The following GTF2IRD1 variants were observed in gnomAD, a reference collection of about 807,000 sequenced individuals.
The protein encoded by GTF2IRD1 is GTF2I repeat domain containing 1.
GTF2IRD1 carries 26 observed loss-of-function variants against 113.2 expected under a neutral mutation model. The ratio of observed to expected loss-of-function variants is 0.23; its 90% CI spans 0.17 to 0.32. The LOEUF is 0.32. GTF2IRD1 is among the 10% of genes least tolerant of loss of function. The probability of loss-of-function intolerance (pLI) is 1.00; values close to 1 mark genes in which losing one functional copy is unlikely to be tolerated. For synonymous variants in GTF2IRD1, 484 were observed against 529.1 expected (o/e 0.91, Z 1.17); for missense variants, 864 against 1,280.8 (o/e 0.67, Z 4.97).
intron 22 of GTF2IRD1, among the ~76,000 whole-genome samples, chr7:74,562,054 G>T (rs1465394832): frequency 6.6e-6 from 1 of 152,200 alleles, no homozygotes; most frequent in Non-Finnish European, 1.5e-5. Context: ...GTCATGCTGG[G>T]CTGGGAACAC....
chr7:74,541,911 A>AATAGATAG (rs58094935), intron 14 of GTF2IRD1, among the ~76,000 whole-genome samples: 4,576 of 150,126 alleles, frequency 0.03, 76 homozygotes, highest in Middle Eastern at 0.048. Context: ...AAAATAACTA[A>AATAGATAG]ATAGATAGAT....
rs782250558 is a variant in GTF2IRD1 at position 74,536,238 on chromosome 7, T to A, written c.1372T>A (p.Ser458Thr). The A allele has an allele frequency of 1.1e-5, 18 of 1,613,062 alleles. No homozygotes were observed. The South Asian group carries it at 1.9e-4, about 17-fold the overall frequency. The change falls in exon 11 of 27, where the codon TCT becomes ACT. Residue 458 changes from serine to threonine, a missense_variant. By Grantham distance (58) the Ser-to-Thr change is moderately conservative. Around this residue, in one of 7 missense-constraint regions of GTF2IRD1, gnomAD observed 218 missense variants for 352.6 expected, o/e 0.62. Coordinates refer to ENST00000424337, the MANE Select transcript of GTF2IRD1 (RefSeq NM_005685.4). ...GCCAGAGGACACCTCTGCAGAGGTC[T>A]CTAGGGCCACCGTCCTTGACCTTGC... Reference protein sequence around the residue: ...SPPEDTSAEVSRATVLDLAGN... With the variant: ...SPPEDTSAEVTRATVLDLAGN...
At chr7:74,601,495 G>C (rs587716937) in intron 26 of GTF2IRD1, 2 of 1,433,638 alleles carry the variant, frequency 1.4e-6, no homozygotes, top group Admixed American at 5.7e-5. Context: ...CATGGCTGGC[G>C]GGTGCAGTGG....
intron 1 of GTF2IRD1, among the ~76,000 whole-genome samples, chr7:74,485,633 T>C (rs1794979263): frequency 6.8e-6 from 1 of 146,018 alleles, no homozygotes; most frequent in African/African-American, 2.6e-5. Flanking sequence ...AAAAAAAAAA[T>C]AGATGCAGCT....
chr7:74,503,056 A>G (rs1228400773), intron 1 of GTF2IRD1, among the ~76,000 whole-genome samples: 1 of 151,796 alleles, frequency 6.6e-6, no homozygotes, highest in Admixed American at 6.6e-5. Flanking sequence ...AATCGCAGCT[A>G]CTTGGGAGGC....
At chr7:74,454,879 G>A (rs1370704975) in intron 1 of GTF2IRD1, among the ~76,000 whole-genome samples, 1 of 152,170 alleles carries the variant, frequency 6.6e-6, no homozygotes, top group African/African-American at 2.4e-5. Context: ...GGACAGAGGA[G>A]GGGCCACAGG....
chr7:74,530,309 G>A (rs1401307770), intron 9 of GTF2IRD1, among the ~76,000 whole-genome samples: 2 of 152,044 alleles, frequency 1.3e-5, no homozygotes, highest in Admixed American at 6.6e-5. Flanking sequence ...AGGGGCCTGG[G>A]GAGGCAATGA....
chr7:74,524,769 G>A (rs1554346865), intron 8 of GTF2IRD1, among the ~76,000 whole-genome samples: 1 of 152,180 alleles, frequency 6.6e-6, no homozygotes, highest in Non-Finnish European at 1.5e-5. Flanking sequence ...AGATCCTGAG[G>A]CACCAGAATC....
rs1799657269 is a variant in GTF2IRD1, at chr7:74,557,294, T to C, written c.2024-345T>C. ...CCCTCGCTTGTCTCCAGCCCCCTAG[T>C]GACTTCATGAAGCCCCCGCCCCCTG... is the stretch of plus-strand genomic sequence containing the variant. On this transcript the variant is annotated intron_variant, in intron 19 of 26. Coordinates refer to ENST00000424337, the MANE Select transcript of GTF2IRD1 (RefSeq NM_005685.4). 2.0e-5 allele frequency among the ~76,000 whole-genome samples: 3 copies of C among 152,274 alleles called. No homozygotes were observed. In the South Asian group the frequency reaches 6.2e-4, roughly 32 times the overall value.
chr7:74,537,490 C>T (rs1358419300), intron 11 of GTF2IRD1, among the ~76,000 whole-genome samples: 1 of 152,060 alleles, frequency 6.6e-6, no homozygotes, highest in Non-Finnish European at 1.5e-5. Flanking sequence ...CATGCATACA[C>T]ACCTACCTAC....
intron 1 of GTF2IRD1, among the ~76,000 whole-genome samples, chr7:74,492,628 T>C (rs1554336999): frequency 6.6e-6 from 1 of 152,200 alleles, no homozygotes; most frequent in African/African-American, 2.4e-5. Context: ...TTTTGAAAAG[T>C]GTCTGTTCAT....
chr7:74,463,784 C>T (rs912540085), intron 1 of GTF2IRD1, among the ~76,000 whole-genome samples: 123 of 150,992 alleles, frequency 8.1e-4, no homozygotes, highest in Middle Eastern at 3.4e-3. Context: ...AGTGCAGTGG[C>T]GTGATCACGG....
intron 8 of GTF2IRD1, among the ~76,000 whole-genome samples, chr7:74,524,605 C>T (rs782362386): frequency 6.6e-6 from 1 of 152,198 alleles, no homozygotes; most frequent in East Asian, 1.9e-4. Context: ...GTGGCTCATG[C>T]CTGTAATCCC....
chr7:74,550,395 G>C (rs1799236544), intron 17 of GTF2IRD1, among the ~76,000 whole-genome samples: 1 of 150,426 alleles, frequency 6.6e-6, no homozygotes, highest in African/African-American at 2.5e-5. Context: ...CAAATTCTCA[G>C]CCTGAGCAAT....
intron 4 of GTF2IRD1, among the ~76,000 whole-genome samples, chr7:74,516,738 G>T (rs1490628337): frequency 1.3e-5 from 2 of 152,158 alleles, no homozygotes; most frequent in African/African-American, 4.8e-5. Flanking sequence ...CTGTGCCTCT[G>T]TCGACACTTT....
At chr7:74,550,947 G>A (rs1180853959) in intron 17 of GTF2IRD1, among the ~76,000 whole-genome samples, 4 of 151,928 alleles carry the variant, frequency 2.6e-5, no homozygotes, top group African/African-American at 9.7e-5. Context: ...GGCGGAAGGC[G>A]GAAGAATAGC....
chr7:74,576,456 G>A lies in GTF2IRD1; in HGVS notation c.2321-13395G>A, dbSNP rs587689072. The stretch of plus-strand genomic sequence containing the variant: ...CGCACTTGTAATCCCAGCTACTCGG[G>A]AGGCTGAGGCAAGAGAATCCCTTGA... On this transcript the variant is annotated intron_variant, in intron 22 of 26. Coordinates refer to ENST00000424337, the MANE Select transcript of GTF2IRD1 (RefSeq NM_005685.4). Among the ~76,000 whole-genome samples, 30 of 150,692 alleles carry A rather than the reference G, an allele frequency of 2.0e-4. 1 individual carries two copies. The highest frequency in any genetic ancestry group is 6.3e-4 in the African/African-American group (26 of 41,158).
At chr7:74,547,600 G>A (rs1174300629) in intron 17 of GTF2IRD1, among the ~76,000 whole-genome samples, 1 of 151,556 alleles carries the variant, frequency 6.6e-6, no homozygotes, top group Non-Finnish European at 1.5e-5. Flanking sequence ...CACCACGCCC[G>A]GCTAATTTTT....
intron 22 of GTF2IRD1, among the ~76,000 whole-genome samples, chr7:74,587,036 T>C (rs1801755467): frequency 6.6e-6 from 1 of 152,128 alleles, no homozygotes; most frequent in Non-Finnish European, 1.5e-5. Flanking sequence ...GAGCCCCAGC[T>C]ACTTGAGAGG....
Sources: gnomAD v4.1 joint callset for allele counts (sites outside exome capture counted in the v4.1 genomes callset) on GRCh38, gnomAD v4.1.1 for gene constraint, gnomAD v4.1.1 regional missense constraint, MANE v1.5 for transcripts, NCBI Gene and HGNC (gene_info 2026-07-23, HGNC 2026-07-21) for gene names.